The following RTN4 variants were observed in gnomAD, a reference collection of about 807,000 sequenced individuals.
RTN4 encodes the protein reticulon-4.
In RTN4, 32 loss-of-function variants were observed where a neutral mutation model predicts 90.4. The ratio of observed to expected loss-of-function variants is 0.35; its 90% confidence interval spans 0.27 to 0.48. The LOEUF is 0.48. RTN4 is among the 20% of genes least tolerant of loss of function. The pLI is 0.99. For missense variants in RTN4, 1,706 were observed against 1,430.2 expected, an observed-to-expected ratio of 1.19 and a Z score of -3.11; for synonymous variants, 629 against 552.5, an observed-to-expected ratio of 1.14 and a Z score of -1.94.
intron 3 of RTN4, among the ~76,000 whole-genome samples, chr2:55,017,852 T>C (rs1681154582): frequency 6.6e-6 from 1 of 152,154 alleles, no homozygotes; most frequent in Non-Finnish European, 1.5e-5. Context: ...ATGTCTTACA[T>C]TGCCTAATGG....
At position 55,026,770 on chromosome 2, in the gene RTN4, A is replaced by G; in HGVS notation, c.1329T>C (p.Asp443=). ...CTGGCGTACTGGGGAAAGAAGTATC[A>G]TCATTACTACTCTCACTATCTTTTT... ...NHEKDSESSN[D]DTSFPSTPEG... is the part of the protein sequence containing the mutation. Residue 443 remains aspartate (D), a synonymous_variant, in exon 3 of 9, where the codon GAT becomes GAC. Coordinates refer to ENST00000337526, the MANE Select transcript of RTN4 (RefSeq NM_020532.5). 4 of 1,613,990 alleles carry G rather than the reference A, an allele frequency of 2.5e-6. No homozygotes were observed. Among genetic ancestry groups the G allele is most frequent in the Non-Finnish European group, 2.5e-6 (3 of 1,179,896 alleles).
At chr2:54,973,229 G>A (rs751844852) in intron 8 of RTN4, 31 bp from the exon 9 acceptor site, 4 of 1,570,566 alleles carry the variant, frequency 2.5e-6, no homozygotes, top group Non-Finnish European at 3.5e-6. Flanking sequence ...GTAAATATCA[G>A]TTTTGTTTGC....
At chr2:54,974,009 G>C in intron 6 of RTN4, 142 bp from the exon 7 acceptor site, 1 of 677,922 alleles carries the variant, frequency 1.5e-6, no homozygotes, top group Non-Finnish European at 2.4e-6. Context: ...ATCTCTGGAT[G>C]CATCTGCTGT....
intron 1 of RTN4, among the ~76,000 whole-genome samples, chr2:55,099,061 T>C (rs1001602381): frequency 6.6e-6 from 1 of 152,162 alleles, no homozygotes; most frequent in Non-Finnish European, 1.5e-5. Flanking sequence ...CCTAGATCTA[T>C]TAGTTCTTTA....
chr2:55,038,649 C>T (rs2968787), intron 1 of RTN4, among the ~76,000 whole-genome samples: 77,034 of 151,968 alleles, frequency 0.51, 19,801 homozygotes, highest in East Asian at 0.63. Context: ...GTAAAGCCAC[C>T]AGAATTCTCA....
At chr2:55,012,946 A>T (rs1558803176) in intron 3 of RTN4, among the ~76,000 whole-genome samples, 1 of 152,204 alleles carries the variant, frequency 6.6e-6, no homozygotes, top group Non-Finnish European at 1.5e-5. Context: ...TTAAAAACTT[A>T]TCTTCATTTA....
At chr2:55,050,491 C>G (rs1668049389), upstream of RTN4, 2 of 410,394 alleles carry the variant, frequency 4.9e-6, no homozygotes, top group Non-Finnish European at 4.3e-6. The surrounding 1 kb of genome is among the most constrained non-coding windows in gnomAD (Gnocchi z 4.6). Flanking sequence ...GATGCGCCAC[C>G]CGCCCTGTCC....
At chr2:55,024,090 A>C (rs2104850785) in intron 3 of RTN4, among the ~76,000 whole-genome samples, 1 of 152,282 alleles carries the variant, frequency 6.6e-6, no homozygotes, top group African/African-American at 2.4e-5. Flanking sequence ...CCAAATTTGT[A>C]TCTTCCCTCT....
At chr2:55,062,337 G>A (rs1402755297) in intron 2 of RTN4, among the ~76,000 whole-genome samples, 2 of 151,994 alleles carry the variant, frequency 1.3e-5, no homozygotes, top group Non-Finnish European at 2.9e-5. Context: ...AACACAAGCC[G>A]CCTACAGATG....
intron 1 of RTN4, among the ~76,000 whole-genome samples, chr2:55,028,905 C>A (rs764582253): frequency 6.6e-6 from 1 of 152,132 alleles, no homozygotes; most frequent in African/African-American, 2.4e-5. Flanking sequence ...GAGACTAAGG[C>A]AATTCAATTC....
At chr2:55,075,044 T>C (rs975783344) in intron 2 of RTN4, among the ~76,000 whole-genome samples, 3 of 152,188 alleles carry the variant, frequency 2.0e-5, no homozygotes, top group African/African-American at 7.2e-5. Flanking sequence ...CTTTCACCAC[T>C]TGTGTTCAAC....
intron 7 of RTN4, 57 bp downstream of exon 7, chr2:54,973,764 T>C (rs1238179304): frequency 6.5e-7 from 1 of 1,545,754 alleles, no homozygotes; most frequent in East Asian, 2.2e-5. Flanking sequence ...CATCCGTAAA[T>C]CCCATGTAAT....
At chr2:55,055,774 A>C (rs564574021), upstream of RTN4, among the ~76,000 whole-genome samples, 29 of 151,790 alleles carry the variant, frequency 1.9e-4, no homozygotes, top group Admixed American at 1.9e-3. Context: ...CGTCTCAAAA[A>C]AAAAAACAAA....
chr2:54,977,892 T>C (rs2104617223), intron 5 of RTN4, among the ~76,000 whole-genome samples: 1 of 152,278 alleles, frequency 6.6e-6, no homozygotes, highest in East Asian at 1.9e-4. Flanking sequence ...CTTATTTTTA[T>C]TCGCCCAAGT....
At chr2:54,998,327 C>T (rs929778727) in intron 3 of RTN4, among the ~76,000 whole-genome samples, 4 of 151,866 alleles carry the variant, frequency 2.6e-5, no homozygotes, top group Non-Finnish European at 2.9e-5. Context: ...GTTGTAAACT[C>T]CATAAAAGAA....
At chr2:54,997,927 GTA>G (rs1482438162) in intron 3 of RTN4, among the ~76,000 whole-genome samples, 1 of 152,134 alleles carries the variant, frequency 6.6e-6, no homozygotes, top group East Asian at 1.9e-4. Context: ...GGAATAAACA[GTA>G]TATATAGGGT....
At chr2:55,076,530 G>A (rs1668603547) in intron 2 of RTN4, among the ~76,000 whole-genome samples, 1 of 150,852 alleles carries the variant, frequency 6.6e-6, no homozygotes, top group Non-Finnish European at 1.5e-5. Context: ...CTGCTGAGTA[G>A]CTGGAACTAT....
chr2:55,123,178 A>C, the RTN4 span, among the ~76,000 whole-genome samples: 1 of 152,222 alleles, frequency 6.6e-6, no homozygotes, highest in African/African-American at 2.4e-5. Context: ...AAAGCAATAG[A>C]ATGCATAAAT....
intron 3 of RTN4, among the ~76,000 whole-genome samples, chr2:55,011,729 G>T (rs895476709): frequency 4.6e-5 from 7 of 152,002 alleles, no homozygotes; most frequent in Non-Finnish European, 8.8e-5. Flanking sequence ...AACATAGAAA[G>T]AACTAAAATT....
Sources: allele counts gnomAD v4.1 joint callset (sites outside exome capture counted in the v4.1 genomes callset), GRCh38; gene constraint gnomAD v4.1.1; non-coding constraint Gnocchi (gnomAD v3.1); transcripts MANE v1.5; gene names NCBI Gene and HGNC (gene_info 2026-07-23, HGNC 2026-07-21).